Variants in PARD3 observed in about 807,000 individuals in gnomAD.
PARD3 encodes par-3 family cell polarity regulator, also known as partitioning defective 3 homolog.
A neutral mutation model predicts 155.4 loss-of-function variants in PARD3; 75 were observed. The ratio of observed to expected loss-of-function variants is 0.48; its 90% CI spans 0.40 to 0.58. The LOEUF (loss-of-function observed/expected upper bound fraction) is 0.58, where lower values mean the gene tolerates loss of function less well. PARD3 is among the 20% of genes least tolerant of loss of function. The pLI, the probability that PARD3 is intolerant of heterozygous loss-of-function variation, is 0.00. For synonymous variants in PARD3, 576 were observed against 610.5 expected, an observed-to-expected ratio of 0.94 and a Z score of 0.83; for missense variants, 1,642 against 1,721.7, an observed-to-expected ratio of 0.95 and a Z score of 0.82.
At chr10:34,707,263 G>A (rs1348474358) in intron 1 of PARD3, among the ~76,000 whole-genome samples, 4 of 150,290 alleles carry the variant, frequency 2.7e-5, no homozygotes, top group Non-Finnish European at 5.9e-5. Context: ...AAAAAGAAAA[G>A]AAGAAAAAAA....
At chr10:34,466,103 T>C (rs1378326639) in intron 4 of PARD3, among the ~76,000 whole-genome samples, 1 of 152,138 alleles carries the variant, frequency 6.6e-6, no homozygotes, top group Non-Finnish European at 1.5e-5. Flanking sequence ...CCTAAAACAG[T>C]TGGAAAAGGT....
intron 1 of PARD3, among the ~76,000 whole-genome samples, chr10:34,788,815 A>C (rs1841301408): frequency 6.6e-6 from 1 of 152,260 alleles, no homozygotes; most frequent in South Asian, 2.1e-4. Flanking sequence ...GGCTGCAAAA[A>C]CAGTGGCAGC....
chr10:34,323,377 A>G (rs1303437675), intron 19 of PARD3, among the ~76,000 whole-genome samples: 1 of 151,478 alleles, frequency 6.6e-6, no homozygotes, highest in African/African-American at 2.5e-5. Flanking sequence ...TGAAACAGGA[A>G]GACTTTAGAG....
intron 22 of PARD3, among the ~76,000 whole-genome samples, chr10:34,162,759 A>T (rs1384339113): frequency 6.6e-6 from 1 of 152,202 alleles, no homozygotes; most frequent in Non-Finnish European, 1.5e-5. Context: ...AGGAAACTCC[A>T]CAAAAATTTG....
chr10:34,278,662 CG>C (rs1956006596), intron 21 of PARD3, among the ~76,000 whole-genome samples: 1 of 152,124 alleles, frequency 6.6e-6, no homozygotes, highest in Non-Finnish European at 1.5e-5. Context: ...TGAAGAAGGA[CG>C]TGTTTGCTTC....
At chr10:34,478,982 G>GA (rs1022632936) in intron 3 of PARD3, among the ~76,000 whole-genome samples, 2 of 151,926 alleles carry the variant, frequency 1.3e-5, no homozygotes, top group African/African-American at 4.8e-5. Flanking sequence ...CTGAGTACAA[G>GA]AAAAAATCTG....
intron 6 of PARD3, 127 bp from the exon 7 acceptor site, chr10:34,399,540 A>C: frequency 2.9e-6 from 2 of 678,182 alleles, no homozygotes; most frequent in Non-Finnish European, 5.3e-6. Context: ...ACAGAACAAA[A>C]ATCCCACCAA....
At chr10:34,725,105 T>TGTG (rs2094679434) in intron 1 of PARD3, among the ~76,000 whole-genome samples, 167 of 135,872 alleles carry the variant, frequency 1.2e-3, no homozygotes, top group African/African-American at 4.2e-3. Context: ...AGTCAAAACT[T>TGTG]TGTGTGTGTG....
chr10:34,718,685 G>A (rs969591237), intron 1 of PARD3, among the ~76,000 whole-genome samples: 2 of 152,004 alleles, frequency 1.3e-5, no homozygotes, highest in Non-Finnish European at 2.9e-5. Flanking sequence ...TAAATTGGCC[G>A]GGCACGGTGG....
At chr10:34,499,613 C>T (rs1410884928) in intron 3 of PARD3, among the ~76,000 whole-genome samples, 1 of 151,866 alleles carries the variant, frequency 6.6e-6, no homozygotes, top group Non-Finnish European at 1.5e-5. Context: ...AAACATGGAT[C>T]TGTTGAAATT....
intron 2 of PARD3, among the ~76,000 whole-genome samples, chr10:34,545,799 C>T (rs2083998459): frequency 6.6e-6 from 1 of 152,198 alleles, no homozygotes; most frequent in Non-Finnish European, 1.5e-5. Flanking sequence ...CTCAGGCAAT[C>T]TGCCCACCTC....
chr10:34,480,683 C>T (rs769024761), intron 3 of PARD3, among the ~76,000 whole-genome samples: 7 of 151,944 alleles, frequency 4.6e-5, no homozygotes, highest in Non-Finnish European at 8.8e-5. Flanking sequence ...ATATATCAGT[C>T]AGGAACAAAA....
intron 22 of PARD3, among the ~76,000 whole-genome samples, chr10:34,167,516 AC>A (rs1949590201): frequency 6.6e-6 from 1 of 151,832 alleles, no homozygotes; most frequent in African/African-American, 2.4e-5. Flanking sequence ...TAAAAAAAAA[AC>A]ACCCCAAAGC....
intron 11 of PARD3, among the ~76,000 whole-genome samples, chr10:34,373,939 T>C (rs934778966): frequency 2.6e-5 from 4 of 152,090 alleles, no homozygotes; most frequent in Admixed American, 6.6e-5. Context: ...TATGATAAAT[T>C]TGGAAACCTC....
intron 7 of PARD3, among the ~76,000 whole-genome samples, chr10:34,386,732 G>A (rs1407215254): frequency 6.6e-6 from 1 of 150,434 alleles, no homozygotes; most frequent in East Asian, 2.0e-4. Context: ...TGAGGCAGGA[G>A]AATCGCTTGA....
chr10:34,542,530 C>G (rs2133896559), intron 2 of PARD3, among the ~76,000 whole-genome samples: 1 of 152,180 alleles, frequency 6.6e-6, no homozygotes, highest in South Asian at 2.1e-4. Flanking sequence ...AGGAGACAAC[C>G]AAAAAGTTAA....
At chr10:34,116,421 A>T (rs1288739475) in intron 24 of PARD3, among the ~76,000 whole-genome samples, 1 of 152,226 alleles carries the variant, frequency 6.6e-6, no homozygotes, top group African/African-American at 2.4e-5. Context: ...GCAGAGGTCA[A>T]GTGTCTTTGA....
rs58730938 is a variant in PARD3, at chr10:34,126,463, C to T, written c.3540+5000G>A. ...TTTCTAACAAGCATGACAATTTCAA[C>T]TAATATGGGCTCAGTTGTACACACA... On this transcript the variant is annotated intron_variant, in intron 23 of 24. Coordinates refer to ENST00000374788, the MANE Select transcript of PARD3 (RefSeq NM_001184785.2). 1.3e-4 allele frequency among the ~76,000 whole-genome samples: 20 copies of T among 152,290 alleles called. No homozygotes were observed. In the East Asian group the frequency reaches 1.5e-3, roughly 12 times the overall value.
intron 4 of PARD3, among the ~76,000 whole-genome samples, chr10:34,453,677 T>G (rs1055794081): frequency 3.9e-5 from 6 of 152,226 alleles, no homozygotes; most frequent in African/African-American, 1.2e-4. Context: ...TGTATACCAC[T>G]GTTATATGCC....
Sources: allele counts gnomAD v4.1 joint callset (sites outside exome capture counted in the v4.1 genomes callset), GRCh38; gene constraint gnomAD v4.1.1; transcripts MANE v1.5; gene names NCBI Gene and HGNC (gene_info 2026-07-23, HGNC 2026-07-21).